The following SRMS variants were observed in gnomAD, a reference collection of about 807,000 sequenced individuals.
The protein encoded by SRMS is src-related kinase lacking C-terminal regulatory tyrosine and N-terminal myristylation sites.
Under a neutral mutation model 43.5 loss-of-function variants are expected in SRMS, and 42 were observed. The ratio of observed to expected loss-of-function variants is 0.97; its 90% CI spans 0.75 to 1.25. The LOEUF (loss-of-function observed/expected upper bound fraction) is 1.25. Ranked by LOEUF, SRMS falls within the 50% of genes most tolerant of loss-of-function variation. The pLI is 0.00. For missense variants in SRMS, 703 were observed against 681.0 expected, an observed-to-expected ratio of 1.03 and a Z score of -0.36; for synonymous variants, 316 against 308.2, an observed-to-expected ratio of 1.03 and a Z score of -0.27.
intron 4 of SRMS, 21 bp downstream of exon 4, chr20:63,542,419 C>G (rs893008002): frequency 1.2e-6 from 2 of 1,604,754 alleles, no homozygotes; most frequent in Non-Finnish European, 1.7e-6. Flanking sequence ...CCGGCCGTGG[C>G]GCAGGATCTC....
intron 3 of SRMS, 124 bp from the exon 4 acceptor site, chr20:63,542,705 G>T: frequency 7.9e-7 from 1 of 1,271,286 alleles, no homozygotes; most frequent in Non-Finnish European, 1.1e-6. Context: ...CCCCACCCTG[G>T]CTGGGACAAA....
At chr20:63,542,983 G>A (rs941107644) in intron 3 of SRMS, among the ~76,000 whole-genome samples, 2 of 152,242 alleles carry the variant, frequency 1.3e-5, no homozygotes, top group South Asian at 4.1e-4. Flanking sequence ...CACACCTTCC[G>A]CCCTTGGGGC....
At chr20:63,544,128 T>C (rs1279250906) in intron 2 of SRMS, 99 bp downstream of exon 2, 1 of 1,311,042 alleles carries the variant, frequency 7.6e-7, no homozygotes, top group Non-Finnish European at 9.8e-7. Context: ...TGGCGCCGGG[T>C]GTGAATCAGG....
Position 63,542,120 on chromosome 20 carries a change from C to T in SRMS, c.946+43G>A, listed in dbSNP as rs971284424. 7.0e-6 allele frequency: 11 copies of T among 1,577,922 alleles called. No homozygotes were observed. The Admixed American group carries it at 8.6e-5, about 12-fold the overall frequency. On this transcript the variant is annotated intron_variant, in intron 5 of 7. Transcript: ENST00000217188. ...TCTGCGCCAGGAGGGAAGGGGCGGT[C>T]GCAGGCGCGTCAGGGCCACGTGGCA...
Position 63,539,272 on chromosome 20 carries a change from C to T in SRMS, c.*1546G>A, listed in dbSNP as rs756127471. ...CGCTTGGCCTTGTTCCTCCGATGCA[C>T]GGGCCCCAGGAAGCCCCCGCGCTGC... On this transcript the variant is annotated 3_prime_UTR_variant, in exon 8 of 8. Transcript: ENST00000217188. Among the ~76,000 whole-genome samples, 17 of 152,344 alleles carry T rather than the reference C, an allele frequency of 1.1e-4. No homozygotes were observed. The highest frequency in any genetic ancestry group is 6.2e-4 in the South Asian group (3 of 4,826).
chr20:63,543,711 G>A (rs1304512877), intron 2 of SRMS: 4 of 535,260 alleles, frequency 7.5e-6, no homozygotes, highest in Non-Finnish European at 1.3e-5. Context: ...GCACAGAGTA[G>A]GCACTTAATA....
At chr20:63,541,037 T>A (rs747923102) in intron 7 of SRMS, 38 bp from the exon 8 acceptor site, 9 of 1,605,992 alleles carry the variant, frequency 5.6e-6, no homozygotes, top group African/African-American at 1.3e-5. Context: ...CGATTCTGCC[T>A]GGGGGTCCCT....
Position 63,542,255 on chromosome 20 carries a change from AGCCGCTCGT to A in SRMS, c.845_853del (p.His282_Arg284del), listed in dbSNP as rs777922764. ...CGAGCACACTGCGTGCAGCCGGATG[AGCCGCTCGT>A]GCCGCAGGCCCTTCAGTGTCTGGAT... On this transcript the variant is annotated inframe_deletion, in exon 5 of 8. Transcript: ENST00000217188. 1 of 1,612,666 alleles carries A rather than the reference AGCCGCTCGT, an allele frequency of 6.2e-7. No individual in the cohort carries two copies. Among genetic ancestry groups the A allele is most frequent in the Non-Finnish European group, 8.5e-7 (1 of 1,179,706 alleles).
At chr20:63,546,866 A>C (rs1252506490) in intron 1 of SRMS, among the ~76,000 whole-genome samples, 1 of 152,162 alleles carries the variant, frequency 6.6e-6, no homozygotes, top group Non-Finnish European at 1.5e-5. Flanking sequence ...TCCCCCCCAC[A>C]GGACCTGACC....
Position 63,547,269 on chromosome 20 carries a change from C to T in SRMS, c.195G>A (p.Arg65=). The change falls in exon 1 of 8, where the codon CGG becomes CGA. Residue 65 remains arginine, a synonymous_variant. Coordinates refer to ENST00000217188, the MANE Select transcript of SRMS (RefSeq NM_080823.4). ...LFLALYDFTA[R]CGGELSVRRG... ...GGCGGACACTCAGCTCCCCGCCACA[C>T]CGCGCCGTGAAGTCATAGAGCGCAA... 2 of 1,610,492 alleles carry T rather than the reference C, an allele frequency of 1.2e-6. No homozygotes were observed.
intron 3 of SRMS, 94 bp from the exon 4 acceptor site, chr20:63,542,675 C>T (rs2082711633): frequency 7.0e-7 from 1 of 1,419,484 alleles, no homozygotes; most frequent in African/African-American, 1.4e-5. Flanking sequence ...GCGGGCACCC[C>T]TGTCCCCAGC....
chr20:63,542,239 T>C lies in SRMS; in HGVS notation c.870A>G (p.Ala290=), dbSNP rs2082708673. The C allele has an allele frequency of 1.2e-6, 2 of 1,612,728 alleles. No homozygotes were observed. The highest frequency in any genetic ancestry group is 1.7e-6 in the Non-Finnish European group (2 of 1,179,770). ...LRHERLIRLH[A]VCSGGEPVYI... is the part of the protein sequence containing the mutation. Reference sequence around the variant, plus strand: ...ACACAGGCTCCCCGCCCGAGCACACTGCGTGCAGCCGGATGAGCCGCTCGT... The same window carrying C: ...ACACAGGCTCCCCGCCCGAGCACACCGCGTGCAGCCGGATGAGCCGCTCGT... Residue 290 remains alanine, a synonymous_variant, in exon 5 of 8, where the codon GCA becomes GCG. Transcript: ENST00000217188.
In SRMS at chr20:63,539,528, G is replaced by C. The variant is rs1569015881; in HGVS notation, c.*1290C>G. ...AACTTTCTGTCCCCGAAAGCCTTCT[G>C]GGCACAGCTGCCAACCTGGGCTCCC... is the stretch of plus-strand genomic sequence containing the variant. On this transcript the variant is annotated 3_prime_UTR_variant, in exon 8 of 8. Coordinates refer to ENST00000217188, the MANE Select transcript of SRMS (RefSeq NM_080823.4). Among the ~76,000 whole-genome samples, 1 of 152,308 alleles carries C rather than the reference G, an allele frequency of 6.6e-6. No homozygotes were observed. The highest frequency in any genetic ancestry group is 1.9e-4 in the East Asian group (1 of 5,190).
Position 63,538,721 on chromosome 20 carries a change from T to TGGGGGGGGGGGGGGGGGG in SRMS, c.*2096_*2097insCCCCCCCCCCCCCCCCCC, listed in dbSNP as rs1555886442. Among the ~76,000 whole-genome samples, 1 of 23,932 alleles carries TGGGGGGGGGGGGGGGGGG rather than the reference T, an allele frequency of 4.2e-5. No homozygotes were observed. The highest frequency in any genetic ancestry group is 1.8e-4 in the African/African-American group (1 of 5,658). 15.7% of individuals were successfully genotyped at this position (23,932 alleles called of 152,430 possible). On this transcript the variant is annotated 3_prime_UTR_variant, in exon 8 of 8. Transcript: ENST00000217188. Reference sequence around the variant, plus strand: ...GTTGGGGAGGATGCAGGGGGAGGGGTGGGGGGTGGGGAATGCGGAAGGAGG... The same window carrying TGGGGGGGGGGGGGGGGGG: ...GTTGGGGAGGATGCAGGGGGAGGGGTGGGGGGGGGGGGGGGGGGGGGGGGTGGGGAATGCGGAAGGAGG...
Position 63,541,559 on chromosome 20 carries a change from C to G in SRMS, c.1008G>C (p.Glu336Asp). The change falls in exon 6 of 8, where the codon GAG (glutamate) becomes GAC (aspartate). Residue 336 changes from glutamate to aspartate, a missense_variant. By Grantham distance (45) the Glu-to-Asp change is conservative (BLOSUM62 2). Coordinates refer to ENST00000217188, the MANE Select transcript of SRMS (RefSeq NM_080823.4). ...GCTGCTCCTCCAGGTAGCTCATGCC[C>G]TCAGCCACCTGGCAGGCAAAGCCCA... Reference protein sequence around the residue: ...PLLGFACQVAEGMSYLEEQRV... With the variant: ...PLLGFACQVADGMSYLEEQRV... 1 of 1,583,828 alleles carries G rather than the reference C, an allele frequency of 6.3e-7. No homozygotes were observed. The highest frequency in any genetic ancestry group is 8.6e-7 in the Non-Finnish European group (1 of 1,167,732).
At chr20:63,541,733 C>CGAGGATG (rs1728213982) in intron 5 of SRMS, 113 bp from the exon 6 acceptor site, 3 of 1,308,120 alleles carry the variant, frequency 2.3e-6, no homozygotes, top group Non-Finnish European at 3.0e-6. Flanking sequence ...TAAGACGTGG[C>CGAGGATG]GAGGATGGCA....
intron 1 of SRMS, among the ~76,000 whole-genome samples, chr20:63,545,925 G>T (rs752423808): frequency 4.6e-5 from 7 of 152,144 alleles, no homozygotes; most frequent in Non-Finnish European, 1.0e-4. Flanking sequence ...CCCACATCAG[G>T]GCTTGGGGGT....
At chr20:63,543,276 G>T in intron 3 of SRMS, 38 bp downstream of exon 3, 1 of 1,604,690 alleles carries the variant, frequency 6.2e-7, no homozygotes, top group Non-Finnish European at 8.5e-7. Context: ...GCCATGCCTC[G>T]GGCCCAGCAT....
At position 63,539,218 on chromosome 20, in the gene SRMS, C is replaced by T. The variant is rs1003467336; in HGVS notation, c.*1600G>A. On this transcript the variant is annotated 3_prime_UTR_variant, in exon 8 of 8. Transcript: ENST00000217188. Reference sequence around the variant, plus strand: ...TAAAGCCTCTTGCCTCCACCATCTGCAGGGGTCCTGGTTCCTGCTGCTTCC... The same window carrying T: ...TAAAGCCTCTTGCCTCCACCATCTGTAGGGGTCCTGGTTCCTGCTGCTTCC... 1.3e-5 allele frequency among the ~76,000 whole-genome samples: 2 copies of T among 152,222 alleles called. No individual in the cohort carries two copies. Among genetic ancestry groups the T allele is most frequent in the Non-Finnish European group, 2.9e-5 (2 of 68,030 alleles).
Sources: allele counts gnomAD v4.1 joint callset (sites outside exome capture counted in the v4.1 genomes callset), GRCh38; gene constraint gnomAD v4.1.1; transcripts MANE v1.5; gene names NCBI Gene and HGNC (gene_info 2026-07-23, HGNC 2026-07-21).